The following TMEM178A variants were observed in gnomAD, a reference collection of about 807,000 sequenced individuals.
TMEM178A encodes transmembrane protein 178A.
In TMEM178A, 12 loss-of-function variants were observed where a neutral mutation model predicts 29.1. The observed-to-expected ratio is 0.41, with a 90% CI of 0.26 to 0.67. The LOEUF is 0.67. TMEM178A is among the 30% of genes least tolerant of loss of function. TMEM178A has a pLI of 0.29. For synonymous variants in TMEM178A, 210 were observed against 187.2 expected (o/e 1.12, Z -0.99); for missense variants, 366 against 419.1 (o/e 0.87, Z 1.11).
chr2:39,726,112 G>T, the TMEM178A span, among the ~76,000 whole-genome samples: 3 of 152,170 alleles, frequency 2.0e-5, no homozygotes, highest in African/African-American at 7.2e-5. Context: ...AAGATAATTT[G>T]TTCTTTTTTC....
intron 1 of TMEM178A, among the ~76,000 whole-genome samples, chr2:39,684,745 T>G (rs1671002786): frequency 6.6e-6 from 1 of 152,158 alleles, no homozygotes; most frequent in Non-Finnish European, 1.5e-5. Context: ...CTCTTAGCTC[T>G]TTATTTCTCA....
chr2:39,693,170 A>T (rs1671395976), intron 1 of TMEM178A, among the ~76,000 whole-genome samples: 1 of 152,216 alleles, frequency 6.6e-6, no homozygotes, highest in Non-Finnish European at 1.5e-5. Context: ...CAAAAGTCAT[A>T]CAGGAGAGTG....
At chr2:39,669,577 G>T (rs984328926) in intron 1 of TMEM178A, among the ~76,000 whole-genome samples, 4 of 152,208 alleles carry the variant, frequency 2.6e-5, no homozygotes, top group African/African-American at 9.6e-5. Flanking sequence ...CTAGCCCAGA[G>T]CCTGGAATGG....
intron 3 of TMEM178A, among the ~76,000 whole-genome samples, chr2:39,716,203 C>G (rs1672527263): frequency 6.6e-6 from 1 of 152,172 alleles, no homozygotes; most frequent in African/African-American, 2.4e-5. Flanking sequence ...TCTTGAGGGT[C>G]CATTGCGGTG....
chr2:39,688,710 T>A (rs1671185405), intron 1 of TMEM178A, among the ~76,000 whole-genome samples: 1 of 152,258 alleles, frequency 6.6e-6, no homozygotes. Flanking sequence ...TTAGAAAAAG[T>A]TGAAAATATT....
At chr2:39,669,943 G>A (rs962110223) in intron 1 of TMEM178A, among the ~76,000 whole-genome samples, 2 of 152,176 alleles carry the variant, frequency 1.3e-5, no homozygotes, top group African/African-American at 4.8e-5. Context: ...GGCTAAACAT[G>A]TGGGGGTTCT....
intron 1 of TMEM178A, among the ~76,000 whole-genome samples, chr2:39,682,839 C>T (rs934575189): frequency 3.3e-5 from 5 of 152,142 alleles, no homozygotes; most frequent in Admixed American, 2.6e-4. Flanking sequence ...ATAAATGGGT[C>T]ACAGGGTCTG....
At chr2:39,676,539 T>C (rs915948933) in intron 1 of TMEM178A, among the ~76,000 whole-genome samples, 16 of 152,202 alleles carry the variant, frequency 1.1e-4, no homozygotes, top group Admixed American at 1.3e-4. Flanking sequence ...TGGCTAGAAT[T>C]ATGTCACGTG....
chr2:39,688,983 C>G (rs527917283), intron 1 of TMEM178A, among the ~76,000 whole-genome samples: 1 of 152,276 alleles, frequency 6.6e-6, no homozygotes, highest in East Asian at 1.9e-4. Context: ...TTTTTTCACA[C>G]TCTGAGCAGA....
Position 39,666,130 on chromosome 2 carries a change from C to A in TMEM178A, c.156C>A (p.Pro52=). 6.5e-7 allele frequency: 1 copy of A among 1,543,740 alleles called. No homozygotes were observed. Among genetic ancestry groups the A allele is most frequent in the East Asian group, 2.7e-5 (1 of 37,342 alleles). Residue 52 remains proline, a synonymous_variant, in exon 1 of 4, where the codon CCC becomes CCA. Coordinates refer to ENST00000281961, the MANE Select transcript of TMEM178A (RefSeq NM_152390.3). ...AGCGCAGCCGCGCGGGCGCCGACCC[C>A]CCGGACCAGAAGAACCGCCTGATGC... ...SCERSRAGAD[P]PDQKNRLMPL...
At chr2:39,725,290 A>G in the TMEM178A span, among the ~76,000 whole-genome samples, 2 of 152,160 alleles carry the variant, frequency 1.3e-5, no homozygotes, top group African/African-American at 2.4e-5. Flanking sequence ...AGTTAAGAGG[A>G]AATTCAGTAC....
At chr2:39,730,389 C>T in the TMEM178A span, among the ~76,000 whole-genome samples, 1 of 152,140 alleles carries the variant, frequency 6.6e-6, no homozygotes, top group South Asian at 2.1e-4. Flanking sequence ...TTGCCTCTCC[C>T]TGGCAGGGAG....
Position 39,707,104 on chromosome 2 carries a change from C to A in TMEM178A, c.570C>A (p.Cys190Ter). 1 of 1,614,142 alleles carries A rather than the reference C, an allele frequency of 6.2e-7. No homozygotes were observed. Among genetic ancestry groups the A allele is most frequent in the Non-Finnish European group, 8.5e-7 (1 of 1,180,002 alleles). Reference sequence around the variant, plus strand: ...GCATGGCCGTAGCCGTCCTTCTCTGCGGCTGCATTGTGGCCACAGTCAGTT... The same window carrying A: ...GCATGGCCGTAGCCGTCCTTCTCTGAGGCTGCATTGTGGCCACAGTCAGTT... ...FLGMAVAVLL[C>*]GCIVATVSFF... The change falls in exon 3 of 4, where the codon TGC becomes TGA. Residue 190 changes from cysteine to a stop codon, truncating the protein, a stop_gained. Coordinates refer to ENST00000281961, the MANE Select transcript of TMEM178A (RefSeq NM_152390.3). LOFTEE classifies it high-confidence loss of function.
At chr2:39,715,871 A>G (rs1672512531) in intron 3 of TMEM178A, among the ~76,000 whole-genome samples, 1 of 152,260 alleles carries the variant, frequency 6.6e-6, no homozygotes, top group Non-Finnish European at 1.5e-5. Flanking sequence ...CTCCAAAGCT[A>G]TAGGTTAAAA....
chr2:39,733,412 C>T, the TMEM178A span, among the ~76,000 whole-genome samples: 3 of 152,120 alleles, frequency 2.0e-5, no homozygotes, highest in African/African-American at 4.8e-5. Context: ...ATGAGTTGAA[C>T]GAACAAGGTG....
intron 3 of TMEM178A, among the ~76,000 whole-genome samples, chr2:39,716,304 G>A (rs953796589): frequency 6.6e-6 from 1 of 152,174 alleles, no homozygotes; most frequent in Non-Finnish European, 1.5e-5. Context: ...CCTGATTTTA[G>A]TGTTGCAGAA....
chr2:39,682,028 C>A (rs1376604763), intron 1 of TMEM178A, among the ~76,000 whole-genome samples: 1 of 152,170 alleles, frequency 6.6e-6, no homozygotes. Flanking sequence ...CTTCTCTAGA[C>A]CTCAGTTTCT....
chr2:39,666,171 C>T lies in TMEM178A; in HGVS notation c.197C>T (p.Pro66Leu). 1 of 1,482,122 alleles carries T rather than the reference C, an allele frequency of 6.7e-7. No homozygotes were observed. Among genetic ancestry groups the T allele is most frequent in the Non-Finnish European group, 8.9e-7 (1 of 1,121,254 alleles). 91.8% of individuals were successfully genotyped at this position (1,482,122 alleles called of 1,614,324 possible). Residue 66 changes from proline to leucine, a missense_variant, in exon 1 of 4, where the codon CCG (proline) becomes CTG (leucine). Transcript: ENST00000281961. ...CGCCTGATGCCGCTGTCGCACCTGCCGCTGCGGGACTCGCCCCCGCTGGGG... is the reference window on the plus strand; with the variant it reads ...CGCCTGATGCCGCTGTCGCACCTGCTGCTGCGGGACTCGCCCCCGCTGGGG... ...KNRLMPLSHLPLRDSPPLGRR... is the reference protein window; with the variant it reads ...KNRLMPLSHLLLRDSPPLGRR...
intron 1 of TMEM178A, among the ~76,000 whole-genome samples, chr2:39,677,551 A>T (rs551449400): frequency 6.6e-4 from 100 of 152,264 alleles, no homozygotes; most frequent in African/African-American, 2.2e-3. Context: ...TTGGGCTTTC[A>T]TTATCTTTGA....
Sources: allele counts gnomAD v4.1 joint callset (sites outside exome capture counted in the v4.1 genomes callset), GRCh38; gene constraint gnomAD v4.1.1; transcripts MANE v1.5; gene names NCBI Gene and HGNC (gene_info 2026-07-23, HGNC 2026-07-21).